GRIP1: variants seen among roughly 807,000 people sequenced by gnomAD.
GRIP1 encodes the protein glutamate receptor-interacting protein 1.
Under a neutral mutation model 129.9 loss-of-function variants are expected in GRIP1, and 45 were observed. The observed-to-expected ratio is 0.35, with a 90% CI of 0.27 to 0.44. The LOEUF is 0.44. Among genes scored for constraint, GRIP1 ranks in the 20% least tolerant of loss-of-function variants. GRIP1 has a pLI of 1.00. For missense variants in GRIP1, 1,196 were observed against 1,396.8 expected (o/e 0.86, Z 2.29); for synonymous variants, 530 against 520.8 (o/e 1.02, Z -0.24).
intron 1 of GRIP1, among the ~76,000 whole-genome samples, chr12:66,826,515 T>C (rs182473883): frequency 7.9e-5 from 12 of 152,200 alleles, no homozygotes; most frequent in Middle Eastern, 3.4e-3. Flanking sequence ...CCAAAATACT[T>C]ACAAAGAATT....
chr12:66,977,862 G>T (rs2042179775), intron 1 of GRIP1, among the ~76,000 whole-genome samples: 1 of 122,198 alleles, frequency 8.2e-6, no homozygotes, highest in Non-Finnish European at 1.6e-5. Context: ...ATCCAGTTTG[G>T]AGTACAGTGG....
chr12:66,804,244 G>C, upstream of GRIP1: 1 of 405,402 alleles, frequency 2.5e-6, no homozygotes, highest in Non-Finnish European at 5.0e-6. Flanking sequence ...CAGCCCAGCT[G>C]CTCTGCGAGC....
chr12:66,725,194 A>G (rs1334295458), intron 1 of GRIP1, among the ~76,000 whole-genome samples: 1 of 151,948 alleles, frequency 6.6e-6, no homozygotes, highest in African/African-American at 2.4e-5. Context: ...CCTAGCTACT[A>G]AGGGGGCTGA....
At chr12:66,384,734 T>C (rs1442066606) in intron 19 of GRIP1, among the ~76,000 whole-genome samples, 9 of 152,128 alleles carry the variant, frequency 5.9e-5, no homozygotes, top group Admixed American at 5.9e-4. Flanking sequence ...GCAGTGGCAA[T>C]GGAGGGACAT....
intron 1 of GRIP1, among the ~76,000 whole-genome samples, chr12:66,755,471 G>A (rs776175208): frequency 6.6e-6 from 1 of 152,138 alleles, no homozygotes; most frequent in Non-Finnish European, 1.5e-5. Context: ...ACAAAGAAAG[G>A]TATAGTAGCA....
chr12:67,053,695 AGGCGTGGT>A (rs1217469371), intron 1 of GRIP1, among the ~76,000 whole-genome samples: 1 of 151,838 alleles, frequency 6.6e-6, no homozygotes, highest in Non-Finnish European at 1.5e-5. Flanking sequence ...AAAATTAGCC[AGGCGTGGT>A]GGTGTGTACC....
At chr12:66,507,729 C>G (rs2060572897) in intron 7 of GRIP1, among the ~76,000 whole-genome samples, 1 of 151,978 alleles carries the variant, frequency 6.6e-6, no homozygotes, top group African/African-American at 2.4e-5. Flanking sequence ...AGCTGCTGGG[C>G]AAAGATATAA....
At chr12:66,358,650 T>C (rs1379985490) in intron 23 of GRIP1, among the ~76,000 whole-genome samples, 1 of 152,054 alleles carries the variant, frequency 6.6e-6, no homozygotes, top group Admixed American at 6.5e-5. Flanking sequence ...GGTTTCGCCA[T>C]GTTGGCCAGG....
At chr12:66,658,853 A>G (rs1007876520) in intron 1 of GRIP1, among the ~76,000 whole-genome samples, 1 of 151,300 alleles carries the variant, frequency 6.6e-6, no homozygotes, top group African/African-American at 2.4e-5. Flanking sequence ...CAGCCTGGGA[A>G]GTTGAGGCTT....
At chr12:67,044,756 A>C (rs906357139) in intron 1 of GRIP1, among the ~76,000 whole-genome samples, 1 of 152,198 alleles carries the variant, frequency 6.6e-6, no homozygotes, top group Non-Finnish European at 1.5e-5. Context: ...GCTGTTCTAC[A>C]TTAAAAAAAA....
At chr12:66,753,412 C>T (rs1237223199) in intron 1 of GRIP1, among the ~76,000 whole-genome samples, 1 of 152,138 alleles carries the variant, frequency 6.6e-6, no homozygotes, top group African/African-American at 2.4e-5. Flanking sequence ...TAGGAAGAAT[C>T]CAAGGTCCCC....
At chr12:66,653,962 A>G (rs2032978156) in intron 1 of GRIP1, among the ~76,000 whole-genome samples, 1 of 152,182 alleles carries the variant, frequency 6.6e-6, no homozygotes, top group Admixed American at 6.5e-5. Context: ...AGCCTTTCAC[A>G]TGCAAAAGTC....
chr12:66,793,852 C>T (rs1486223129), intron 1 of GRIP1, among the ~76,000 whole-genome samples: 1 of 152,070 alleles, frequency 6.6e-6, no homozygotes, highest in Non-Finnish European at 1.5e-5. Context: ...GAAAATTAAG[C>T]TCATTTGGCT....
chr12:66,996,970 C>T (rs1592445322), intron 1 of GRIP1, among the ~76,000 whole-genome samples: 1 of 152,112 alleles, frequency 6.6e-6, no homozygotes, highest in South Asian at 2.1e-4. Context: ...ATGAGTTCCC[C>T]ACACAGCATC....
intron 15 of GRIP1, among the ~76,000 whole-genome samples, chr12:66,419,041 A>G (rs554951068): frequency 2.1e-4 from 32 of 152,320 alleles, no homozygotes; most frequent in Middle Eastern, 3.4e-3. Context: ...TGCAAGCAAC[A>G]TAAGTGTCCA....
chr12:66,734,282 C>G (rs2036529226), intron 1 of GRIP1, among the ~76,000 whole-genome samples: 1 of 152,296 alleles, frequency 6.6e-6, no homozygotes. Context: ...TGGCACTCAG[C>G]TCTCCAACTA....
intron 1 of GRIP1, among the ~76,000 whole-genome samples, chr12:67,037,878 A>G (rs907300974): frequency 4.6e-5 from 7 of 152,232 alleles, no homozygotes; most frequent in African/African-American, 1.7e-4. Context: ...CCGTGCTTCA[A>G]CTTAACACAG....
At position 66,752,953 on chromosome 12, in the gene GRIP1, A is replaced by G. The variant is rs892492144; in HGVS notation, c.-420+51100T>C. 3.2e-4 allele frequency among the ~76,000 whole-genome samples: 48 copies of G among 152,188 alleles called. 1 individual carries two copies. Among genetic ancestry groups the G allele is most frequent in the East Asian group, 5.8e-4 (3 of 5,194 alleles). On this transcript the variant is annotated intron_variant, in intron 1 of 4. Coordinates refer to the GRIP1 transcript ENST00000538373. ...TTTTAGCCAAGAAAATAAGACAACAATGGAGAACTATAGCTCAAACGCTAG... is the reference window on the plus strand; with the variant it reads ...TTTTAGCCAAGAAAATAAGACAACAGTGGAGAACTATAGCTCAAACGCTAG...
chr12:66,533,970 AC>A (rs1241983932), intron 4 of GRIP1, among the ~76,000 whole-genome samples: 2 of 151,856 alleles, frequency 1.3e-5, no homozygotes, highest in East Asian at 3.9e-4. Context: ...TGAGATAGCT[AC>A]CAGTCTTGGC....
Sources: gnomAD v4.1 joint callset for allele counts (sites outside exome capture counted in the v4.1 genomes callset) on GRCh38, gnomAD v4.1.1 for gene constraint, MANE v1.5 for transcripts, NCBI Gene and HGNC (gene_info 2026-07-23, HGNC 2026-07-21) for gene names.